Variants in GNAQ observed in about 807,000 individuals in gnomAD.
GNAQ encodes guanine nucleotide-binding protein G(q) subunit alpha.
Under a neutral mutation model 43.9 loss-of-function variants are expected in GNAQ, and 8 were observed. The ratio of observed to expected loss-of-function variants is 0.18; its 90% confidence interval spans 0.11 to 0.33. GNAQ has a LOEUF of 0.33. GNAQ is among the 10% of genes least tolerant of loss of function. The pLI, the probability that GNAQ is intolerant of heterozygous loss-of-function variation, is 1.00. For missense variants in GNAQ, 158 were observed against 450.8 expected (o/e 0.35, Z 5.88); for synonymous variants, 155 against 170.7 (o/e 0.91, Z 0.71).
At chr9:78,005,121 G>T (rs1823689887) in intron 1 of GNAQ, among the ~76,000 whole-genome samples, 1 of 152,100 alleles carries the variant, frequency 6.6e-6, no homozygotes. Flanking sequence ...GGGCAATCAT[G>T]ACTCACTGCA....
intron 5 of GNAQ, among the ~76,000 whole-genome samples, chr9:77,764,246 T>A (rs1247547002): frequency 6.6e-6 from 1 of 152,158 alleles, no homozygotes; most frequent in Non-Finnish European, 1.5e-5. Context: ...GAATGCAATC[T>A]CTTAATTTAA....
intron 2 of GNAQ, among the ~76,000 whole-genome samples, chr9:77,915,069 G>A (rs1467855721): frequency 6.6e-6 from 1 of 152,166 alleles, no homozygotes; most frequent in Non-Finnish European, 1.5e-5. Context: ...TAGAGTTTCA[G>A]AATGAGAAAA....
intron 5 of GNAQ, among the ~76,000 whole-genome samples, chr9:77,793,848 G>A (rs1826615416): frequency 6.6e-6 from 1 of 152,142 alleles, no homozygotes; most frequent in South Asian, 2.1e-4. Context: ...ACAGGGAGGA[G>A]ATAACAATAC....
chr9:77,754,283 G>A (rs1825863818), intron 5 of GNAQ, among the ~76,000 whole-genome samples: 1 of 152,158 alleles, frequency 6.6e-6, no homozygotes, highest in African/African-American at 2.4e-5. Context: ...TGCCATTTTA[G>A]TGTCTCCCTG....
rs80240753 is a variant in GNAQ, at chr9:77,983,317, A to G, written c.136+47783T>C. Among the ~76,000 whole-genome samples, 448 of 152,304 alleles carry G rather than the reference A, an allele frequency of 2.9e-3. 2 individuals carry two copies. The highest frequency in any genetic ancestry group is 9.1e-3 in the African/African-American group (378 of 41,576). Reference sequence around the variant, plus strand: ...TCATTTTAGGTAAGAGGGCTGACCTATTAGTAGCCAACTCTTGCTGCTAAA... The same window carrying G: ...TCATTTTAGGTAAGAGGGCTGACCTGTTAGTAGCCAACTCTTGCTGCTAAA... On this transcript the variant is annotated intron_variant, in intron 1 of 6. Coordinates refer to ENST00000286548, the MANE Select transcript of GNAQ (RefSeq NM_002072.5).
chr9:77,752,143 T>A (rs1404631481), intron 5 of GNAQ, among the ~76,000 whole-genome samples: 2 of 152,242 alleles, frequency 1.3e-5, no homozygotes, highest in Non-Finnish European at 2.9e-5. Context: ...CTGACAAGTA[T>A]TTCTGTTTGC....
chr9:77,991,544 G>A (rs1283691028), intron 1 of GNAQ, among the ~76,000 whole-genome samples: 3 of 152,006 alleles, frequency 2.0e-5, no homozygotes, highest in African/African-American at 4.8e-5. Flanking sequence ...ACTCCTTTCA[G>A]TATTCCCCTC....
chr9:77,719,255 A>G lies in GNAQ; in HGVS notation c.*2068T>C, dbSNP rs114022923. The G allele has an allele frequency of 4.9e-4, 114 of 232,492 alleles. No homozygotes were observed. The highest frequency in any genetic ancestry group is 2.4e-3 in the African/African-American group (109 of 45,434). The allele number at this position is 232,492 out of a possible 1,614,324, so 14.4% of individuals were successfully genotyped here. A position where few individuals can be genotyped will look rare whatever the true frequency, so the allele number is the denominator to read the frequency against. On this transcript the variant is annotated 3_prime_UTR_variant, in exon 7 of 7. Transcript: ENST00000286548. Reference sequence around the variant, plus strand: ...CGTGAATTAGCTATAGACATACAATACAATTACATAGATACATATCAATAC... The same window carrying G: ...CGTGAATTAGCTATAGACATACAATGCAATTACATAGATACATATCAATAC...
intron 5 of GNAQ, among the ~76,000 whole-genome samples, chr9:77,774,572 T>G (rs1237498305): frequency 6.6e-6 from 1 of 152,312 alleles, no homozygotes; most frequent in Non-Finnish European, 1.5e-5. Flanking sequence ...AGTGACCCTC[T>G]GGCTTTGGCC....
intron 1 of GNAQ, among the ~76,000 whole-genome samples, chr9:77,985,956 T>C (rs2118508252): frequency 6.6e-6 from 1 of 152,098 alleles, no homozygotes; most frequent in East Asian, 1.9e-4. Flanking sequence ...ACACAAAGAC[T>C]TTTTTTTCCT....
intron 1 of GNAQ, among the ~76,000 whole-genome samples, chr9:77,999,953 C>G (rs568363659): frequency 1.3e-5 from 2 of 152,238 alleles, no homozygotes; most frequent in South Asian, 4.1e-4. Flanking sequence ...TGAGCCAAAA[C>G]AGGTTAATTT....
chr9:77,869,075 A>C (rs911699958), intron 2 of GNAQ, among the ~76,000 whole-genome samples: 1 of 152,190 alleles, frequency 6.6e-6, no homozygotes, highest in Non-Finnish European at 1.5e-5. Context: ...TATTATGAAC[A>C]ACATTGTTTC....
chr9:77,774,963 T>A (rs1826284836), intron 5 of GNAQ, among the ~76,000 whole-genome samples: 2 of 152,204 alleles, frequency 1.3e-5, no homozygotes, highest in African/African-American at 2.4e-5. Context: ...TCTGAATTAA[T>A]CTTCCAGGCA....
intron 2 of GNAQ, among the ~76,000 whole-genome samples, chr9:77,851,045 A>T (rs1827668665): frequency 6.6e-6 from 1 of 151,890 alleles, no homozygotes; most frequent in Non-Finnish European, 1.5e-5. Flanking sequence ...AAAAGATGTC[A>T]CCCATCCCCA....
intron 3 of GNAQ, among the ~76,000 whole-genome samples, chr9:77,808,211 T>A (rs141297380): frequency 1.3e-5 from 2 of 152,054 alleles, no homozygotes; most frequent in African/African-American, 4.8e-5. Flanking sequence ...CAGCCCTTTT[T>A]CCTGTTCCTT....
chr9:78,003,886 A>G (rs1390547093), intron 1 of GNAQ, among the ~76,000 whole-genome samples: 1 of 152,132 alleles, frequency 6.6e-6, no homozygotes, highest in African/African-American at 2.4e-5. Context: ...ACTTTGCCAA[A>G]GTAGAAAGTA....
At chr9:77,879,053 C>CAAAACAATTTTAA in intron 2 of GNAQ, among the ~76,000 whole-genome samples, 1 of 150,384 alleles carries the variant, frequency 6.6e-6, no homozygotes, top group East Asian at 2.0e-4. Flanking sequence ...CTCAAAAAAA[C>CAAAACAATTTTAA]AAAACAAACA....
chr9:77,965,786 C>T (rs895620487), intron 1 of GNAQ, among the ~76,000 whole-genome samples: 4 of 150,564 alleles, frequency 2.7e-5, no homozygotes, highest in Admixed American at 2.0e-4. Flanking sequence ...AAAAGTAAAA[C>T]ATACCCCTGG....
At chr9:77,957,312 C>T (rs1303888275) in intron 1 of GNAQ, among the ~76,000 whole-genome samples, 2 of 151,778 alleles carry the variant, frequency 1.3e-5, no homozygotes, top group African/African-American at 2.4e-5. Flanking sequence ...GCTGAGATTC[C>T]GCCATTGCAC....
Sources: allele counts gnomAD v4.1 joint callset (sites outside exome capture counted in the v4.1 genomes callset), GRCh38; gene constraint gnomAD v4.1.1; transcripts MANE v1.5; gene names NCBI Gene and HGNC (gene_info 2026-07-23, HGNC 2026-07-21).